The following COP1 variants were observed in gnomAD, a reference collection of about 807,000 sequenced individuals.
COP1 encodes the protein E3 ubiquitin-protein ligase COP1.
Under a neutral mutation model 101.3 loss-of-function variants are expected in COP1, and 24 were observed. That is an observed-to-expected ratio of 0.24 (90% CI 0.17 to 0.33). COP1 has a LOEUF of 0.33. COP1 is among the 10% of genes least tolerant of loss of function. The probability of loss-of-function intolerance (pLI) is 1.00; values close to 1 mark genes in which losing one functional copy is unlikely to be tolerated. For missense variants in COP1, 663 were observed against 906.2 expected, an observed-to-expected ratio of 0.73 and a Z score of 3.45; for synonymous variants, 347 against 341.9, an observed-to-expected ratio of 1.01 and a Z score of -0.17.
intron 2 of COP1, among the ~76,000 whole-genome samples, chr1:176,179,539 G>A (rs1697451003): frequency 6.6e-6 from 1 of 152,070 alleles, no homozygotes; most frequent in African/African-American, 2.4e-5. Flanking sequence ...GTTTCAACCA[G>A]CTCAGGCAAT....
intron 14 of COP1, among the ~76,000 whole-genome samples, chr1:176,030,388 A>G (rs1464632833): frequency 2.0e-5 from 3 of 152,188 alleles, no homozygotes. Flanking sequence ...ATAGATAAGT[A>G]TGGAGCACTT....
At chr1:176,172,366 T>G (rs1696209341) in intron 3 of COP1, among the ~76,000 whole-genome samples, 1 of 152,196 alleles carries the variant, frequency 6.6e-6, no homozygotes, top group African/African-American at 2.4e-5. Context: ...TACAATCACT[T>G]AAAGTTATGA....
intron 9 of COP1, among the ~76,000 whole-genome samples, chr1:176,089,084 C>T (rs1028560186): frequency 2.0e-5 from 3 of 151,640 alleles, no homozygotes; most frequent in East Asian, 1.9e-4. Context: ...GTGTGGATCA[C>T]GAGATCAGAA....
chr1:176,005,998 T>C lies in COP1; in HGVS notation c.1730-16519A>G, dbSNP rs181990575. ...GTGGGAGTCTAAGTCTCTTTGTAGGTCACTCAGGACTTGCTTTATGAGTCT... is the reference window on the plus strand; with the variant it reads ...GTGGGAGTCTAAGTCTCTTTGTAGGCCACTCAGGACTTGCTTTATGAGTCT... On this transcript the variant is annotated intron_variant, in intron 15 of 19. Transcript: ENST00000367669. 4.7e-4 allele frequency among the ~76,000 whole-genome samples: 72 copies of C among 152,292 alleles called. 1 individual carries two copies. The East Asian group carries it at 0.012, about 26-fold the overall frequency.
chr1:176,183,069 T>C (rs1697992686), intron 2 of COP1, among the ~76,000 whole-genome samples: 1 of 152,212 alleles, frequency 6.6e-6, no homozygotes, highest in African/African-American at 2.4e-5. Flanking sequence ...TTTAATACTT[T>C]ATTTTATAAG....
At chr1:176,011,416 GA>G (rs1355087884) in intron 15 of COP1, among the ~76,000 whole-genome samples, 1 of 152,106 alleles carries the variant, frequency 6.6e-6, no homozygotes, top group East Asian at 1.9e-4. Flanking sequence ...TTAAAGGGAG[GA>G]AAGTAACCGA....
intron 8 of COP1, among the ~76,000 whole-genome samples, chr1:176,121,470 TCTTA>T (rs1475471320): frequency 6.6e-6 from 1 of 151,830 alleles, no homozygotes; most frequent in Non-Finnish European, 1.5e-5. Flanking sequence ...TTTATTGAGT[TCTTA>T]CTAAGTACCA....
At position 176,014,222 on chromosome 1, in the gene COP1, T is replaced by A. The variant is rs146639873; in HGVS notation, c.1729+13350A>T. Among the ~76,000 whole-genome samples, 4 of 152,292 alleles carry A rather than the reference T, an allele frequency of 2.6e-5. No individual in the cohort carries two copies. In the East Asian group the frequency reaches 7.7e-4, roughly 29 times the overall value. On this transcript the variant is annotated intron_variant, in intron 15 of 19. Transcript: ENST00000367669. ...ATCAAGTGGGAAGCTGCGCTTACATTTGAAAGGCTGCTTTACAGACTTCTG... is the reference window on the plus strand; with the variant it reads ...ATCAAGTGGGAAGCTGCGCTTACATATGAAAGGCTGCTTTACAGACTTCTG...
At chr1:176,173,324 GA>G (rs11396126) in intron 3 of COP1, among the ~76,000 whole-genome samples, 14,743 of 93,658 alleles carry the variant, frequency 0.16, 880 homozygotes, top group Middle Eastern at 0.3. Flanking sequence ...AAAACAAAAT[GA>G]AAAAAAAAAA....
At chr1:176,133,464 T>A (rs1558175432) in intron 8 of COP1, among the ~76,000 whole-genome samples, 1 of 151,828 alleles carries the variant, frequency 6.6e-6, no homozygotes, top group African/African-American at 2.4e-5. Flanking sequence ...AACGTCATTA[T>A]GCAGTGCATG....
At chr1:176,056,791 TTC>T (rs1673573378) in intron 11 of COP1, among the ~76,000 whole-genome samples, 1 of 152,170 alleles carries the variant, frequency 6.6e-6, no homozygotes, top group African/African-American at 2.4e-5. Context: ...ACCATCTGAT[TTC>T]TTTCTTTTGT....
In COP1 at chr1:176,116,609, A is replaced by G; in HGVS notation, c.1026+15T>C. 6.3e-7 allele frequency: 1 copy of G among 1,592,502 alleles called. No homozygotes were observed. Among genetic ancestry groups the G allele is most frequent in the Non-Finnish European group, 8.6e-7 (1 of 1,161,870 alleles). ...TACTCATGGTATCATTAAAGCAAAC[A>G]AAGATATCGTTTACCTGAGAACTGC... On this transcript the variant is annotated intron_variant, in intron 9 of 19. Coordinates refer to ENST00000367669, the MANE Select transcript of COP1 (RefSeq NM_022457.7).
chr1:176,154,196 C>T (rs1693089586), intron 5 of COP1, among the ~76,000 whole-genome samples: 1 of 152,026 alleles, frequency 6.6e-6, no homozygotes, highest in Non-Finnish European at 1.5e-5. Flanking sequence ...TCTGGCAGGG[C>T]TACTTATTAC....
chr1:176,058,686 C>T (rs1385007627), intron 11 of COP1, among the ~76,000 whole-genome samples: 2 of 151,442 alleles, frequency 1.3e-5, no homozygotes, highest in African/African-American at 2.4e-5. Context: ...ATCTGCTGAC[C>T]TTCCCTCCAC....
Position 175,948,728 on chromosome 1 carries a change from T to C in COP1, c.2134-1489A>G, listed in dbSNP as rs187428847. ...TCTTCCACTATTCCAGAATTTTTAA[T>C]GGAATCAGAATACTCTTTGGAATTA... On this transcript the variant is annotated intron_variant, in intron 18 of 19. Coordinates refer to ENST00000367669, the MANE Select transcript of COP1 (RefSeq NM_022457.7). 2.3e-3 allele frequency among the ~76,000 whole-genome samples: 354 copies of C among 152,306 alleles called. 1 individual carries two copies. Among genetic ancestry groups the C allele is most frequent in the African/African-American group, 8.4e-3 (348 of 41,562 alleles).
chr1:175,948,625 T>C (rs1364318915), intron 18 of COP1, among the ~76,000 whole-genome samples: 2 of 152,220 alleles, frequency 1.3e-5, no homozygotes, highest in African/African-American at 4.8e-5. Flanking sequence ...ATTTTTAAAT[T>C]TTCCCTTTCA....
At chr1:175,978,680 T>C (rs983380050) in intron 18 of COP1, among the ~76,000 whole-genome samples, 7 of 152,030 alleles carry the variant, frequency 4.6e-5, no homozygotes, top group African/African-American at 1.7e-4. Flanking sequence ...CTCATTCAGA[T>C]TGGCCCTCTT....
At chr1:176,125,672 T>C (rs1404966308) in intron 8 of COP1, among the ~76,000 whole-genome samples, 1 of 152,192 alleles carries the variant, frequency 6.6e-6, no homozygotes, top group African/African-American at 2.4e-5. Context: ...TCCTCTACTT[T>C]TGTTCTTTTT....
chr1:176,150,447 T>C (rs750043775), intron 5 of COP1, among the ~76,000 whole-genome samples: 1 of 152,216 alleles, frequency 6.6e-6, no homozygotes, highest in Non-Finnish European at 1.5e-5. Context: ...AGACCCATTC[T>C]TCCCAAGTGA....
Sources: allele counts gnomAD v4.1 joint callset (sites outside exome capture counted in the v4.1 genomes callset), GRCh38; gene constraint gnomAD v4.1.1; transcripts MANE v1.5; gene names NCBI Gene and HGNC (gene_info 2026-07-23, HGNC 2026-07-21).